Variants in FAM131A observed in about 807,000 individuals in gnomAD.
The protein encoded by FAM131A is family with sequence similarity 131 member A.
FAM131A carries 24 observed loss-of-function variants against 39.2 expected under a neutral mutation model. That is an observed-to-expected ratio of 0.61 (90% confidence interval 0.44 to 0.86). The LOEUF is 0.86. FAM131A is among the 40% of genes least tolerant of loss of function. The pLI is 0.00. For missense variants in FAM131A, 373 were observed against 481.2 expected (o/e 0.78, Z 2.10); for synonymous variants, 202 against 206.8 (o/e 0.98, Z 0.20).
In FAM131A at chr3:184,344,943, G is replaced by T. The variant is rs1283841166; in HGVS notation, c.1074G>T (p.Glu358Asp). 2 of 1,586,442 alleles carry T rather than the reference G, an allele frequency of 1.3e-6. No individual in the cohort carries two copies. The highest frequency in any genetic ancestry group is 1.7e-6 in the Non-Finnish European group (2 of 1,170,478). ...CTTCTGGGGTGGTGTCCTTAGATGA[G>T]GATGAGGCAGAGCCAGAGGAACAGT... Reference protein sequence around the residue: ...LASSGVVSLDEDEAEPEEQ With the variant: ...LASSGVVSLDDDEAEPEEQ Residue 358 changes from glutamate (E) to aspartate (D), a missense_variant, in exon 6 of 6, where the codon GAG (glutamate) becomes GAT (aspartate). Physicochemically the swap from Glu to Asp is conservative, Grantham distance 45. Coordinates refer to ENST00000383847, the MANE Select transcript of FAM131A (RefSeq NM_144635.5).
chr3:184,337,580 T>C, upstream of FAM131A: 1 of 1,513,202 alleles, frequency 6.6e-7, no homozygotes, highest in Admixed American at 2.0e-5. Flanking sequence ...AACTGGGAGC[T>C]GAGCCTGGAG....
rs1727617099 is a variant in FAM131A at position 184,345,592 on chromosome 3, T to C, written c.*622T>C. The C allele has an allele frequency of 1.4e-6, 1 of 703,318 alleles. No individual in the cohort carries two copies. The highest frequency in any genetic ancestry group is 2.6e-6 in the Non-Finnish European group (1 of 385,046). The allele number at this position is 703,318 out of a possible 1,614,324, so 43.6% of individuals were successfully genotyped here. On this transcript the variant is annotated 3_prime_UTR_variant, in exon 6 of 6. Transcript: ENST00000383847. Reference sequence around the variant, plus strand: ...AGACAGAAGGTTTTTGGTCTGTTTTTTCAGTCGGATCTTCTCTTCTCTGGG... The same window carrying C: ...AGACAGAAGGTTTTTGGTCTGTTTTCTCAGTCGGATCTTCTCTTCTCTGGG...
Position 184,344,764 on chromosome 3 carries a change from C to T in FAM131A, c.895C>T (p.Leu299=). The change falls in exon 6 of 6, where the codon CTG becomes TTG. Residue 299 remains leucine, a synonymous_variant. Coordinates refer to ENST00000383847, the MANE Select transcript of FAM131A (RefSeq NM_144635.5). ...RESAFRSLGP[L]EAQDSLYNSP... ...AAGTGCCTTCCGCAGCCTGGGCCCA[C>T]TGGAGGCCCAGGACTCACTCTACAA... 1 of 1,612,366 alleles carries T rather than the reference C, an allele frequency of 6.2e-7. No individual in the cohort carries two copies. Among genetic ancestry groups the T allele is most frequent in the Non-Finnish European group, 8.5e-7 (1 of 1,179,956 alleles).
intron 5 of FAM131A, among the ~76,000 whole-genome samples, chr3:184,344,119 G>A (rs767719069): frequency 1.6e-4 from 25 of 152,162 alleles, no homozygotes; most frequent in Non-Finnish European, 3.7e-4. Context: ...CCGAGTAGCT[G>A]GGATTATAGG....
Position 184,341,746 on chromosome 3 carries a change from C to T in FAM131A, c.254C>T (p.Ala85Val), listed in dbSNP as rs560529445. ...LPEVNVGDTV[A>V]MLPKSRRALT... is the part of the protein sequence containing the mutation. The stretch of plus-strand genomic sequence containing the variant: ...AAGGTGAATGTTGGAGACACAGTCG[C>T]GATGCTGCCCAAGTCCCGGCGAGCC... The change falls in exon 3 of 6, where the codon GCG (alanine) becomes GTG (valine). Residue 85 changes from alanine (A) to valine (V), a missense_variant. This residue lies in a region of FAM131A where 221 missense variants were observed against 347.7 expected (regional missense o/e 0.64). Coordinates refer to ENST00000383847, the MANE Select transcript of FAM131A (RefSeq NM_144635.5). 3.4e-5 allele frequency: 54 copies of T among 1,610,324 alleles called. No individual in the cohort carries two copies. Among genetic ancestry groups the T allele is most frequent in the East Asian group, 6.7e-5 (3 of 44,886 alleles).
chr3:184,342,867 G>C lies in FAM131A; in HGVS notation c.625+7G>C, dbSNP rs111824196. 5.0e-5 allele frequency: 81 copies of C among 1,609,058 alleles called. No individual in the cohort carries two copies. The Middle Eastern group carries it at 6.6e-4, about 13-fold the overall frequency. On this transcript the variant is annotated splice_region_variant and intron_variant, in intron 5 of 5. Transcript: ENST00000383847. The surrounding 1 kb of genome is among the most constrained non-coding windows in gnomAD (Gnocchi z 4.6). ...GCTGGGGGAATGGACACAGGTGAGG[G>C]ACATCCTGGGCTAGGGCTGTGGTGG...
chr3:184,345,095 C>CTAG lies in FAM131A; in HGVS notation c.*125_*126insTAG. 2.2e-6 allele frequency: 2 copies of CTAG among 911,402 alleles called. No homozygotes were observed. The highest frequency in any genetic ancestry group is 3.2e-6 in the Non-Finnish European group (2 of 624,476). 56.5% of individuals were successfully genotyped at this position (911,402 alleles called of 1,614,324 possible). On this transcript the variant is annotated 3_prime_UTR_variant, in exon 6 of 6. Coordinates refer to ENST00000383847, the MANE Select transcript of FAM131A (RefSeq NM_144635.5). Reference sequence around the variant, plus strand: ...AGCCTAGAGGGCTCCTGGGAGCGCTCGCTTCTCCGTTGTGTGTTTTGCATG... The same window carrying CTAG: ...AGCCTAGAGGGCTCCTGGGAGCGCTCTAGGCTTCTCCGTTGTGTGTTTTGCATG...
chr3:184,341,676 G>A (rs1410266947), intron 2 of FAM131A, 48 bp from the exon 3 acceptor site: 1 of 1,520,430 alleles, frequency 6.6e-7, no homozygotes, highest in African/African-American at 1.4e-5. Flanking sequence ...TTAGGGGGAA[G>A]GTCATTGCTG....
intron 2 of FAM131A, chr3:184,339,415 G>C (rs955696022): frequency 2.0e-5 from 3 of 152,256 alleles, no homozygotes; most frequent in Admixed American, 6.5e-5. Flanking sequence ...GCTGCTTGCT[G>C]ACAGGGATTG....
chr3:184,338,362 C>G, intron 1 of FAM131A, 25 bp from the exon 2 acceptor site: 1 of 1,425,924 alleles, frequency 7.0e-7, no homozygotes, highest in South Asian at 1.5e-5. Context: ...GGGCACAGCT[C>G]AACAGCCTTT....
rs944328093 is a variant in FAM131A, at chr3:184,345,626, G to A, written c.*656G>A. ...ATCTTCTCTTCTCTGGGAGGCTTTG[G>A]AATGATGAAAGCATGTACCCTCCAC... On this transcript the variant is annotated 3_prime_UTR_variant, in exon 6 of 6. Transcript: ENST00000383847. 1.4e-6 allele frequency: 1 copy of A among 701,458 alleles called. No homozygotes were observed. The highest frequency in any genetic ancestry group is 2.6e-6 in the Non-Finnish European group (1 of 384,268). The allele number at this position is 701,458 out of a possible 1,614,324, so 43.5% of individuals were successfully genotyped here. A position where few individuals can be genotyped will look rare whatever the true frequency, so the allele number is the denominator to read the frequency against.
At chr3:184,341,889 T>A (rs748782604) in intron 3 of FAM131A, 72 bp downstream of exon 3, 1 of 1,562,148 alleles carries the variant, frequency 6.4e-7, no homozygotes, top group South Asian at 1.1e-5. Flanking sequence ...TTTGGAACTG[T>A]TTCCTGTGAG....
intron 2 of FAM131A, 101 bp from the exon 3 acceptor site, chr3:184,341,623 T>G: frequency 2.2e-6 from 2 of 917,444 alleles, no homozygotes; most frequent in Admixed American, 2.0e-5. Flanking sequence ...TGTTCCTTCC[T>G]AGCTCCTGTC....
At position 184,345,724 on chromosome 3, in the gene FAM131A, C is replaced by T. The variant is rs1389285049; in HGVS notation, c.*754C>T. The T allele has an allele frequency of 6.7e-6, 4 of 597,740 alleles. No homozygotes were observed. Among genetic ancestry groups the T allele is most frequent in the South Asian group, 2.0e-5 (1 of 48,962 alleles). 37.0% of individuals were successfully genotyped at this position (597,740 alleles called of 1,614,324 possible). Reference sequence around the variant, plus strand: ...CTAGGATGTGCGGGCAGTGTGCTGGCGCCTCACAGCCAGCCGGGCTGCCCA... The same window carrying T: ...CTAGGATGTGCGGGCAGTGTGCTGGTGCCTCACAGCCAGCCGGGCTGCCCA... On this transcript the variant is annotated 3_prime_UTR_variant, in exon 6 of 6. Coordinates refer to ENST00000383847, the MANE Select transcript of FAM131A (RefSeq NM_144635.5).
Position 184,345,633 on chromosome 3 carries a change from G to A in FAM131A, c.*663G>A, listed in dbSNP as rs1338397769. On this transcript the variant is annotated 3_prime_UTR_variant, in exon 6 of 6. Coordinates refer to ENST00000383847, the MANE Select transcript of FAM131A (RefSeq NM_144635.5). ...CTTCTCTGGGAGGCTTTGGAATGAT[G>A]AAAGCATGTACCCTCCACCCTTTTC... The A allele has an allele frequency of 2.9e-6, 2 of 700,290 alleles. No homozygotes were observed. The highest frequency in any genetic ancestry group is 5.2e-6 in the Non-Finnish European group (2 of 383,710). The allele number at this position is 700,290 out of a possible 1,614,324, so 43.4% of individuals were successfully genotyped here.
intron 2 of FAM131A, chr3:184,339,666 G>GC (rs1277800324): frequency 1.3e-5 from 2 of 152,216 alleles, no homozygotes; most frequent in African/African-American, 4.8e-5. Flanking sequence ...CACCATGTTG[G>GC]CCAGGCTGGT....
At position 184,341,631 on chromosome 3, in the gene FAM131A, G is replaced by T. The variant is rs945537453; in HGVS notation, c.232-93G>T. ...TATGTGGTGTTCCTTCCTAGCTCCT[G>T]TCTCCTCCTCATGCCTTTGCTGGGT... On this transcript the variant is annotated intron_variant, in intron 2 of 5. Transcript: ENST00000383847. 7.0e-6 allele frequency: 7 copies of T among 1,005,930 alleles called. No homozygotes were observed. The Admixed American group carries it at 1.0e-4, about 14-fold the overall frequency. The allele number at this position is 1,005,930 out of a possible 1,614,324, so 62.3% of individuals were successfully genotyped here.
In FAM131A at chr3:184,345,313, G is replaced by A. The variant is rs999850271; in HGVS notation, c.*343G>A. On this transcript the variant is annotated 3_prime_UTR_variant, in exon 6 of 6. Transcript: ENST00000383847. ...GTGAACCACTAAGGGGGTTGTGACT[G>A]GGCTGTGTGAGGGTGGGGTGGGAGG... is the stretch of plus-strand genomic sequence containing the variant. The A allele has an allele frequency of 5.0e-6, 3 of 594,846 alleles. No homozygotes were observed. The highest frequency in any genetic ancestry group is 8.9e-6 in the Non-Finnish European group (3 of 337,006). The allele number at this position is 594,846 out of a possible 1,614,324, so 36.8% of individuals were successfully genotyped here. A position where few individuals can be genotyped will look rare whatever the true frequency, so the allele number is the denominator to read the frequency against.
chr3:184,337,995 A>T (rs1414871123), intron 1 of FAM131A, among the ~76,000 whole-genome samples: 1 of 152,110 alleles, frequency 6.6e-6, no homozygotes, highest in Non-Finnish European at 1.5e-5. Context: ...AGAGAGAAGG[A>T]AGGCAACCCT....
Sources: allele counts gnomAD v4.1 joint callset (sites outside exome capture counted in the v4.1 genomes callset), GRCh38; gene constraint gnomAD v4.1.1; regional missense constraint gnomAD v4.1.1; non-coding constraint Gnocchi (gnomAD v3.1); transcripts MANE v1.5; gene names NCBI Gene and HGNC (gene_info 2026-07-23, HGNC 2026-07-21).